The following TMEM170A variants were observed in gnomAD, a reference collection of about 807,000 sequenced individuals.
TMEM170A encodes the protein transmembrane protein 170A.
TMEM170A carries 18 observed loss-of-function variants against 12.8 expected under a neutral mutation model. The observed-to-expected ratio is 1.41, with a 90% CI of 0.97 to 2.09. TMEM170A has a LOEUF of 2.09. TMEM170A is among the 30% of genes most tolerant of loss of function. The pLI is 0.00. For missense variants in TMEM170A, 220 were observed against 179.9 expected (o/e 1.22, Z -1.28); for synonymous variants, 107 against 76.2 (o/e 1.40, Z -2.11).
Position 75,454,199 on chromosome 16 carries a change from G to C in TMEM170A, c.134-2360C>G, listed in dbSNP as rs144754154. On this transcript the variant is annotated intron_variant, in intron 1 of 2. Coordinates refer to ENST00000561878, the MANE Select transcript of TMEM170A (RefSeq NM_145254.3). Reference sequence around the variant, plus strand: ...CTGCAGGATATGGAGAGGCACCTCTGGCCTGCAGCACTCTATTCCCAGTTG... The same window carrying C: ...CTGCAGGATATGGAGAGGCACCTCTCGCCTGCAGCACTCTATTCCCAGTTG... Among the ~76,000 whole-genome samples the C allele has an allele frequency of 2.6e-4, 35 of 134,118 alleles. No individual in the cohort carries two copies. In the East Asian group the frequency reaches 5.6e-3, roughly 22 times the overall value. The allele number at this position is 134,118 out of a possible 152,430, so 88.0% of individuals were successfully genotyped here. A position where few individuals can be genotyped will look rare whatever the true frequency, so the allele number is the denominator to read the frequency against.
chr16:75,457,861 T>C (rs1406598898), intron 1 of TMEM170A, among the ~76,000 whole-genome samples: 1 of 152,196 alleles, frequency 6.6e-6, no homozygotes, highest in African/African-American at 2.4e-5. Context: ...ATGTATTTTA[T>C]ATAGCATCAC....
chr16:75,457,162 G>C (rs2079813779), intron 1 of TMEM170A, among the ~76,000 whole-genome samples: 1 of 152,118 alleles, frequency 6.6e-6, no homozygotes, highest in Non-Finnish European at 1.5e-5. Flanking sequence ...GGAGCTGCCA[G>C]AGTTTTAGAG....
Position 75,445,038 on chromosome 16 carries a change from A to G in TMEM170A, c.*2520T>C, listed in dbSNP as rs977269706. On this transcript the variant is annotated 3_prime_UTR_variant, in exon 3 of 3. Coordinates refer to ENST00000561878, the MANE Select transcript of TMEM170A (RefSeq NM_145254.3). ...CTTTAGGCAAGAACTCCTTCAAAAG[A>G]CATTTTTCAGTAAGAGGCATCCTTC... 9.8e-5 allele frequency: 15 copies of G among 152,356 alleles called. No individual in the cohort carries two copies. The highest frequency in any genetic ancestry group is 4.1e-4 in the South Asian group (2 of 4,830). 9.4% of individuals were successfully genotyped at this position (152,356 alleles called of 1,614,324 possible).
rs1030261 is a variant in TMEM170A, at chr16:75,451,405, G to A, written c.304+264C>T. On this transcript the variant is annotated intron_variant, in intron 2 of 2. Coordinates refer to ENST00000561878, the MANE Select transcript of TMEM170A (RefSeq NM_145254.3). ...TACAAAAAATACAAAAAAAATTAGC[G>A]GGGCATGGTGGCACACCCCTGTAGT... 74 of 527,512 alleles carry A rather than the reference G, an allele frequency of 1.4e-4. No homozygotes were observed. In the East Asian group the frequency reaches 2.1e-3, roughly 15 times the overall value. 32.7% of individuals were successfully genotyped at this position (527,512 alleles called of 1,614,324 possible).
At chr16:75,463,856 G>A (rs543910431) in intron 1 of TMEM170A, among the ~76,000 whole-genome samples, 10 of 152,380 alleles carry the variant, frequency 6.6e-5, no homozygotes, top group South Asian at 6.2e-4. Flanking sequence ...AAAGGAAGCT[G>A]TGCCAAAGAT....
chr16:75,447,601 C>T lies in TMEM170A; in HGVS notation c.392G>A (p.Cys131Tyr), dbSNP rs759959111. 3.0e-5 allele frequency: 48 copies of T among 1,611,834 alleles called. No individual in the cohort carries two copies. The highest frequency in any genetic ancestry group is 3.3e-4 in the Middle Eastern group (2 of 6,078). ...ALTLGTGQTFCVLVVSFLRIL... is the reference protein window; with the variant it reads ...ALTLGTGQTFYVLVVSFLRIL... ...CCGTAAAAAGGAGACCACCAAGACGCAAAATGTCTGTCCAGTGCCCAGTGT... is the reference window on the plus strand; with the variant it reads ...CCGTAAAAAGGAGACCACCAAGACGTAAAATGTCTGTCCAGTGCCCAGTGT... Residue 131 changes from cysteine to tyrosine, a missense_variant, in exon 3 of 3, where the codon TGC (cysteine) becomes TAC (tyrosine). Coordinates refer to ENST00000561878, the MANE Select transcript of TMEM170A (RefSeq NM_145254.3).
intron 2 of TMEM170A, 149 bp from the exon 3 acceptor site, chr16:75,447,837 A>C (rs1567696588): frequency 9.9e-7 from 1 of 1,007,544 alleles, no homozygotes; most frequent in Non-Finnish European, 1.4e-6. Flanking sequence ...GGTTTTCCCT[A>C]TTCTTTCTGT....
intron 1 of TMEM170A, among the ~76,000 whole-genome samples, chr16:75,463,255 A>G (rs2079939020): frequency 6.6e-6 from 1 of 152,048 alleles, no homozygotes; most frequent in Non-Finnish European, 1.5e-5. Flanking sequence ...TTGCACGAAC[A>G]TTTCATGTAT....
At chr16:75,454,565 G>T (rs1441468487) in intron 1 of TMEM170A, among the ~76,000 whole-genome samples, 1 of 152,078 alleles carries the variant, frequency 6.6e-6, no homozygotes, top group Non-Finnish European at 1.5e-5. Context: ...AACCCAGGAG[G>T]CAGAGGTTGC....
At chr16:75,457,772 C>A (rs866518502) in intron 1 of TMEM170A, among the ~76,000 whole-genome samples, 2 of 152,190 alleles carry the variant, frequency 1.3e-5, no homozygotes, top group African/African-American at 4.8e-5. Flanking sequence ...CAGGCCAACA[C>A]CTCTCTGAGG....
At chr16:75,450,490 C>G (rs999574977) in intron 2 of TMEM170A, among the ~76,000 whole-genome samples, 3 of 151,930 alleles carry the variant, frequency 2.0e-5, no homozygotes, top group African/African-American at 7.3e-5. Flanking sequence ...ACTTATTGTT[C>G]TCATTTCTGT....
At chr16:75,464,348 G>A (rs1054324726) in intron 1 of TMEM170A, 120 bp downstream of exon 1, 2 of 1,348,150 alleles carry the variant, frequency 1.5e-6, no homozygotes. Context: ...CCCTCCCGGA[G>A]GACAGCGCCC....
At chr16:75,454,459 T>TACACACAC (rs71380746) in intron 1 of TMEM170A, among the ~76,000 whole-genome samples, 2,962 of 150,008 alleles carry the variant, frequency 0.02, 86 homozygotes, top group African/African-American at 0.064. Flanking sequence ...TCTCTAAAAA[T>TACACACAC]ACACACACAT....
Position 75,451,848 on chromosome 16 carries a change from G to C in TMEM170A, c.134-9C>G, listed in dbSNP as rs1346268697. The stretch of plus-strand genomic sequence containing the variant: ...TACACCATACCACATCTCTATGAGG[G>C]AAGACAAAGAAAAGTTGTGAATCAC... On this transcript the variant is annotated splice_polypyrimidine_tract_variant and intron_variant, in intron 1 of 2. Coordinates refer to ENST00000561878, the MANE Select transcript of TMEM170A (RefSeq NM_145254.3). 6.9e-6 allele frequency: 11 copies of C among 1,600,540 alleles called. No individual in the cohort carries two copies. Among genetic ancestry groups the C allele is most frequent in the Non-Finnish European group, 8.5e-6 (10 of 1,172,684 alleles).
chr16:75,448,693 G>T (rs2079629389), intron 2 of TMEM170A, among the ~76,000 whole-genome samples: 2 of 152,034 alleles, frequency 1.3e-5, no homozygotes, highest in Admixed American at 6.6e-5. Flanking sequence ...GAACCCAGGA[G>T]GTGGAGGTTG....
At chr16:75,453,009 G>A (rs1179663617) in intron 1 of TMEM170A, among the ~76,000 whole-genome samples, 1 of 152,078 alleles carries the variant, frequency 6.6e-6, no homozygotes, top group East Asian at 1.9e-4. Context: ...TGATAACAGT[G>A]ACACAGACCA....
chr16:75,458,776 A>T (rs1379841376), intron 1 of TMEM170A: 1 of 152,258 alleles, frequency 6.6e-6, no homozygotes, highest in Non-Finnish European at 1.5e-5. Context: ...TCACTGATCA[A>T]TCAAATAAAT....
chr16:75,462,599 A>C (rs1349291726), intron 1 of TMEM170A, among the ~76,000 whole-genome samples: 3 of 152,240 alleles, frequency 2.0e-5, no homozygotes, highest in Admixed American at 6.5e-5. Flanking sequence ...TCTAAATCTA[A>C]TCATGAAGAC....
At position 75,443,511 on chromosome 16, in the gene TMEM170A, G is replaced by T. The variant is rs1445579986; in HGVS notation, c.*4047C>A. The T allele has an allele frequency of 6.6e-6, 1 of 152,162 alleles. No individual in the cohort carries two copies. Among genetic ancestry groups the T allele is most frequent in the Non-Finnish European group, 1.5e-5 (1 of 68,032 alleles). 9.4% of individuals were successfully genotyped at this position (152,162 alleles called of 1,614,324 possible). On this transcript the variant is annotated 3_prime_UTR_variant, in exon 3 of 3. Coordinates refer to ENST00000561878, the MANE Select transcript of TMEM170A (RefSeq NM_145254.3). ...ACATTCCAGGAAATGGTTACTTAGG[G>T]AAGGTTGATATGTGCTGCAGCATAA...
Sources: allele counts gnomAD v4.1 joint callset (sites outside exome capture counted in the v4.1 genomes callset), GRCh38; gene constraint gnomAD v4.1.1; transcripts MANE v1.5; gene names NCBI Gene and HGNC (gene_info 2026-07-23, HGNC 2026-07-21).